The following SLC24A4 variants were observed in gnomAD, a reference collection of about 807,000 sequenced individuals.
The protein encoded by SLC24A4 is sodium/potassium/calcium exchanger 4.
Under a neutral mutation model 79.0 loss-of-function variants are expected in SLC24A4, and 53 were observed. That is an observed-to-expected ratio of 0.67 (90% CI 0.54 to 0.84). SLC24A4 has a LOEUF of 0.84. Among genes scored for constraint, SLC24A4 ranks in the 40% least tolerant of loss-of-function variants. The pLI, the probability that SLC24A4 is intolerant of heterozygous loss-of-function variation, is 0.00. For missense variants in SLC24A4, 731 were observed against 822.0 expected (o/e 0.89, Z 1.35); for synonymous variants, 323 against 323.8 (o/e 1.00, Z 0.03).
At position 92,468,892 on chromosome 14, in the gene SLC24A4, C is replaced by CTGTG. The variant is rs57575129; in HGVS notation, c.1255+12324_1255+12327dup. Among the ~76,000 whole-genome samples the CTGTG allele has an allele frequency of 3.9e-3, 316 of 81,450 alleles. 2 individuals carry two copies. Among genetic ancestry groups the CTGTG allele is most frequent in the South Asian group, 0.025 (58 of 2,304 alleles). 53.4% of individuals were successfully genotyped at this position (81,450 alleles called of 152,430 possible). On this transcript the variant is annotated intron_variant, in intron 12 of 16. Transcript: ENST00000532405. ...GAGAAAACATTTGCAAATCATGTAT[C>CTGTG]TGTGTGTGTGTGTGTGTGTGTGTGT...
At chr14:92,409,703 T>C (rs537303151) in intron 2 of SLC24A4, among the ~76,000 whole-genome samples, 1 of 151,484 alleles carries the variant, frequency 6.6e-6, no homozygotes, top group Non-Finnish European at 1.5e-5. Flanking sequence ...GATTGTTTGG[T>C]TTTTTTTTAA....
chr14:92,379,758 T>G (rs945798327), intron 2 of SLC24A4, among the ~76,000 whole-genome samples: 1 of 152,026 alleles, frequency 6.6e-6, no homozygotes, highest in African/African-American at 2.4e-5. Context: ...CAGTCATGCT[T>G]GAAACTCACG....
At chr14:92,488,016 C>T (rs1047698063) in intron 14 of SLC24A4, among the ~76,000 whole-genome samples, 9 of 145,976 alleles carry the variant, frequency 6.2e-5, no homozygotes, top group Non-Finnish European at 1.2e-4. Context: ...CCTCCTTTTC[C>T]TCCTCCTCCC....
In SLC24A4 at chr14:92,372,677, T is replaced by C. The variant is rs188331628; in HGVS notation, c.241+46699T>C. Among the ~76,000 whole-genome samples the C allele has an allele frequency of 6.0e-4, 91 of 152,186 alleles. 1 individual carries two copies. The highest frequency in any genetic ancestry group is 2.0e-3 in the African/African-American group (85 of 41,518). On this transcript the variant is annotated intron_variant, in intron 2 of 16. Coordinates refer to ENST00000532405, the MANE Select transcript of SLC24A4 (RefSeq NM_153646.4). ...TGCCTGCGTTTCCAGAATCGGAGGA[T>C]CTAGCTCGAGTTTGGCCCCTCAGCT... is the stretch of plus-strand genomic sequence containing the variant.
At chr14:92,416,520 G>A (rs558502649) in intron 2 of SLC24A4, among the ~76,000 whole-genome samples, 466 of 152,262 alleles carry the variant, frequency 3.1e-3, no homozygotes, top group African/African-American at 0.011. Context: ...ATTCTTTACT[G>A]TCTCATTCAT....
intron 2 of SLC24A4, among the ~76,000 whole-genome samples, chr14:92,366,357 A>G (rs1887838979): frequency 6.6e-6 from 1 of 152,190 alleles, no homozygotes; most frequent in Non-Finnish European, 1.5e-5. Context: ...GGGCAGAGGA[A>G]TGTGACAGCC....
At chr14:92,474,245 C>A (rs1894589361) in intron 12 of SLC24A4, among the ~76,000 whole-genome samples, 1 of 152,150 alleles carries the variant, frequency 6.6e-6, no homozygotes, top group African/African-American at 2.4e-5. Flanking sequence ...TTCAGATTAT[C>A]TTTTCCTGAT....
intron 2 of SLC24A4, among the ~76,000 whole-genome samples, chr14:92,373,667 C>T (rs761498884): frequency 2.0e-5 from 3 of 152,160 alleles, no homozygotes; most frequent in Admixed American, 6.5e-5. Flanking sequence ...GGACAGGGGA[C>T]GGTGAACCCT....
At chr14:92,331,345 A>C (rs1180848606) in intron 2 of SLC24A4, among the ~76,000 whole-genome samples, 1 of 152,206 alleles carries the variant, frequency 6.6e-6, no homozygotes, top group East Asian at 1.9e-4. Flanking sequence ...ATGCAGTGGT[A>C]TGATCTCAGC....
chr14:92,393,458 G>A (rs1286225072), intron 2 of SLC24A4, among the ~76,000 whole-genome samples: 2 of 151,986 alleles, frequency 1.3e-5, no homozygotes, highest in African/African-American at 4.8e-5. Flanking sequence ...GGAGCTGGCT[G>A]TGAGTGGATG....
chr14:92,339,605 G>A lies in SLC24A4; in HGVS notation c.241+13627G>A, dbSNP rs1886010122. 2.0e-5 allele frequency among the ~76,000 whole-genome samples: 3 copies of A among 152,234 alleles called. No homozygotes were observed. The South Asian group carries it at 6.2e-4, about 31-fold the overall frequency. ...TCCGGAGGCTTTGCCGGGGTAGGCG[G>A]AGGGTCCCCCTGGCTGAGGGAACGG... On this transcript the variant is annotated intron_variant, in intron 2 of 16. Coordinates refer to ENST00000532405, the MANE Select transcript of SLC24A4 (RefSeq NM_153646.4).
At chr14:92,379,919 C>T (rs1205387369) in intron 2 of SLC24A4, among the ~76,000 whole-genome samples, 5 of 152,230 alleles carry the variant, frequency 3.3e-5, no homozygotes, top group African/African-American at 1.2e-4. Flanking sequence ...CCTCTCCACC[C>T]TCACCTGCCG....
intron 2 of SLC24A4, among the ~76,000 whole-genome samples, chr14:92,338,124 A>G (rs765402565): frequency 6.6e-6 from 1 of 152,082 alleles, no homozygotes; most frequent in Non-Finnish European, 1.5e-5. Flanking sequence ...ACTCACTGTG[A>G]TTGTTCCAGA....
chr14:92,352,311 C>CAG (rs1886941849), intron 2 of SLC24A4, among the ~76,000 whole-genome samples: 1 of 152,038 alleles, frequency 6.6e-6, no homozygotes, highest in Non-Finnish European at 1.5e-5. Flanking sequence ...GCTACCTAAG[C>CAG]AGAGAGAGAG....
chr14:92,492,847 G>A (rs1291337918), intron 16 of SLC24A4: 4 of 455,658 alleles, frequency 8.8e-6, no homozygotes, highest in African/African-American at 4.0e-5. Context: ...AGGTTCCTGG[G>A]ATCCAGCCCC....
rs1462646272 is a variant in SLC24A4, at chr14:92,454,054, GATC to G, written c.1041_1043del (p.Ile348del). ...GGACCCGACTACGGATGGCCAGCAGGATCATCATTAATGAGGTGAGTTTGCTTG... is the reference window on the plus strand; with the variant it reads ...GGACCCGACTACGGATGGCCAGCAGGATCATTAATGAGGTGAGTTTGCTTG... On this transcript the variant is annotated inframe_deletion, in exon 11 of 17. Coordinates refer to ENST00000532405, the MANE Select transcript of SLC24A4 (RefSeq NM_153646.4). 1.2e-6 allele frequency: 2 copies of G among 1,612,928 alleles called. No individual in the cohort carries two copies. The highest frequency in any genetic ancestry group is 1.7e-6 in the Non-Finnish European group (2 of 1,179,526).
At chr14:92,400,850 TAGAA>T (rs1460615352) in intron 2 of SLC24A4, among the ~76,000 whole-genome samples, 2 of 152,238 alleles carry the variant, frequency 1.3e-5, no homozygotes, top group African/African-American at 2.4e-5. Flanking sequence ...ATATGCAAGA[TAGAA>T]AGAGCTTTTG....
At chr14:92,367,545 G>A (rs1401107896) in intron 2 of SLC24A4, among the ~76,000 whole-genome samples, 1 of 152,234 alleles carries the variant, frequency 6.6e-6, no homozygotes, top group African/African-American at 2.4e-5. Context: ...GAGCTGACAT[G>A]CTCTGCCTGA....
chr14:92,492,494 G>A (rs1205250119), intron 16 of SLC24A4, among the ~76,000 whole-genome samples: 1 of 152,148 alleles, frequency 6.6e-6, no homozygotes, highest in Non-Finnish European at 1.5e-5. Flanking sequence ...CTTGCTGCCT[G>A]GTCCAGTTCC....
Sources: gnomAD v4.1 joint callset for allele counts (sites outside exome capture counted in the v4.1 genomes callset) on GRCh38, gnomAD v4.1.1 for gene constraint, MANE v1.5 for transcripts, NCBI Gene and HGNC (gene_info 2026-07-23, HGNC 2026-07-21) for gene names.